The following CDH18 variants were observed in gnomAD, a reference collection of about 807,000 sequenced individuals.
CDH18 encodes cadherin-18.
A neutral mutation model predicts 67.9 loss-of-function variants in CDH18; 31 were observed. The observed-to-expected ratio is 0.46, with a 90% CI of 0.34 to 0.62. The LOEUF (loss-of-function observed/expected upper bound fraction) is 0.62, where lower values mean the gene tolerates loss of function less well. CDH18 is among the 20% of genes least tolerant of loss of function. The pLI, the probability that CDH18 is intolerant of heterozygous loss-of-function variation, is 0.01. For synonymous variants in CDH18, 362 were observed against 347.2 expected, an observed-to-expected ratio of 1.04 and a Z score of -0.48; for missense variants, 890 against 975.5, an observed-to-expected ratio of 0.91 and a Z score of 1.17.
At chr5:19,820,587 T>C (rs1581499712) in intron 3 of CDH18, among the ~76,000 whole-genome samples, 2 of 152,294 alleles carry the variant, frequency 1.3e-5, no homozygotes. Flanking sequence ...GCATGTCCCC[T>C]GGTGGACTAA....
At chr5:20,386,564 C>A (rs72745078) in intron 1 of CDH18, among the ~76,000 whole-genome samples, 1 of 151,944 alleles carries the variant, frequency 6.6e-6, no homozygotes, top group African/African-American at 2.4e-5. Flanking sequence ...ATATGAAAAC[C>A]GAGGCATGCA....
chr5:19,999,076 A>T (rs1398355263), intron 2 of CDH18, among the ~76,000 whole-genome samples: 1 of 152,208 alleles, frequency 6.6e-6, no homozygotes, highest in Non-Finnish European at 1.5e-5. Flanking sequence ...GAGAAAGTTA[A>T]CTATAAAAGA....
intron 8 of CDH18, among the ~76,000 whole-genome samples, chr5:19,544,230 G>C (rs1735917275): frequency 6.6e-6 from 1 of 151,670 alleles, no homozygotes; most frequent in Non-Finnish European, 1.5e-5. Flanking sequence ...AATTTTATAA[G>C]GTCTTACCAA....
rs369174749 is a variant in CDH18, at chr5:20,298,389, G to A, written c.-579-42884C>T. On this transcript the variant is annotated intron_variant, in intron 1 of 14. Transcript: ENST00000507958. The stretch of plus-strand genomic sequence containing the variant: ...ATTTTTAGTGACTGCTACTAAAATC[G>A]AGACCGGTAAAGGAATTTCAAAAAT... Among the ~76,000 whole-genome samples, 50 of 152,188 alleles carry A rather than the reference G, an allele frequency of 3.3e-4. No individual in the cohort carries two copies. In the South Asian group the frequency reaches 9.8e-3, roughly 30 times the overall value.
At chr5:20,458,396 T>A (rs1750989456) in intron 1 of CDH18, among the ~76,000 whole-genome samples, 1 of 152,182 alleles carries the variant, frequency 6.6e-6, no homozygotes, top group South Asian at 2.1e-4. Context: ...GGCAGGCAGA[T>A]TACCTGAGGC....
chr5:19,523,749 CA>C (rs1747303920), intron 9 of CDH18, among the ~76,000 whole-genome samples: 1 of 152,078 alleles, frequency 6.6e-6, no homozygotes, highest in African/African-American at 2.4e-5. Context: ...TGTATATTCT[CA>C]TGCTCTAGAT....
At chr5:20,274,289 T>C (rs549482548) in intron 1 of CDH18, among the ~76,000 whole-genome samples, 1 of 152,288 alleles carries the variant, frequency 6.6e-6, no homozygotes, top group South Asian at 2.1e-4. Flanking sequence ...GTTTATATTA[T>C]ATAATACTAC....
intron 5 of CDH18, among the ~76,000 whole-genome samples, chr5:19,635,727 A>G (rs1399708738): frequency 6.6e-6 from 1 of 152,138 alleles, no homozygotes; most frequent in Non-Finnish European, 1.5e-5. Flanking sequence ...CTAGGTATCC[A>G]TTTATATATT....
At chr5:19,569,624 G>A (rs62349538) in intron 8 of CDH18, among the ~76,000 whole-genome samples, 27 of 151,938 alleles carry the variant, frequency 1.8e-4, no homozygotes, top group Non-Finnish European at 2.9e-4. Flanking sequence ...CTATAATATC[G>A]CACGTTACAA....
chr5:20,178,491 G>T (rs1308062895), intron 2 of CDH18, among the ~76,000 whole-genome samples: 1 of 148,698 alleles, frequency 6.7e-6, no homozygotes. Flanking sequence ...CTTCTTTTCA[G>T]TTCTAATTAA....
intron 1 of CDH18, among the ~76,000 whole-genome samples, chr5:20,287,247 A>C (rs2126721481): frequency 6.6e-6 from 1 of 151,896 alleles, no homozygotes; most frequent in Non-Finnish European, 1.5e-5. Context: ...CATCTATTAT[A>C]TCTTAATTGG....
At chr5:20,357,558 G>GC (rs1378687233) in intron 1 of CDH18, among the ~76,000 whole-genome samples, 5 of 152,232 alleles carry the variant, frequency 3.3e-5, no homozygotes, top group African/African-American at 9.6e-5. Flanking sequence ...ATGAAAAAAT[G>GC]CTCTTCATCT....
intron 2 of CDH18, among the ~76,000 whole-genome samples, chr5:20,143,087 G>C (rs1290055697): frequency 1.3e-5 from 2 of 152,146 alleles, no homozygotes; most frequent in African/African-American, 4.8e-5. Flanking sequence ...TAAAACTATG[G>C]ACATTAGAGG....
intron 2 of CDH18, among the ~76,000 whole-genome samples, chr5:20,090,967 T>C (rs1745366998): frequency 6.6e-6 from 1 of 151,754 alleles, no homozygotes; most frequent in African/African-American, 2.4e-5. Flanking sequence ...GGAGAATGAC[T>C]TGAGCCTGGG....
At chr5:20,536,018 T>G (rs2126569893) in intron 1 of CDH18, among the ~76,000 whole-genome samples, 1 of 152,332 alleles carries the variant, frequency 6.6e-6, no homozygotes, top group East Asian at 1.9e-4. Context: ...TTATGCTGTT[T>G]ATTGTCCAGT....
At chr5:19,908,801 C>T (rs970431859) in intron 2 of CDH18, among the ~76,000 whole-genome samples, 3 of 152,156 alleles carry the variant, frequency 2.0e-5, no homozygotes, top group Non-Finnish European at 4.4e-5. Context: ...GGCCTGAATG[C>T]TAACATAGAA....
chr5:20,423,151 G>A (rs1414609125), intron 1 of CDH18, among the ~76,000 whole-genome samples: 1 of 151,316 alleles, frequency 6.6e-6, no homozygotes, highest in Admixed American at 6.6e-5. Flanking sequence ...GGAACCTTTG[G>A]TCTCCTTCTC....
At chr5:20,235,628 G>A (rs1742419917) in intron 2 of CDH18, among the ~76,000 whole-genome samples, 1 of 152,136 alleles carries the variant, frequency 6.6e-6, no homozygotes, top group African/African-American at 2.4e-5. Context: ...AAAAGGAACA[G>A]ATGTTGGCAA....
At chr5:20,404,662 A>C (rs965218938) in intron 1 of CDH18, among the ~76,000 whole-genome samples, 1 of 152,242 alleles carries the variant, frequency 6.6e-6, no homozygotes, top group East Asian at 1.9e-4. Context: ...AACATGAAAG[A>C]CCAGGGATCA....
Sources: gnomAD v4.1 joint callset for allele counts (sites outside exome capture counted in the v4.1 genomes callset) on GRCh38, gnomAD v4.1.1 for gene constraint, MANE v1.5 for transcripts, NCBI Gene and HGNC (gene_info 2026-07-23, HGNC 2026-07-21) for gene names.